Variants in ACBD6 observed in about 807,000 individuals in gnomAD.
ACBD6 encodes acyl-CoA-binding domain-containing protein 6.
ACBD6 carries 28 observed loss-of-function variants against 37.2 expected under a neutral mutation model. The observed-to-expected ratio is 0.75, with a 90% CI of 0.56 to 1.03. The LOEUF is 1.03. ACBD6 is among the 50% of genes least tolerant of loss of function. The pLI, the probability that ACBD6 is intolerant of heterozygous loss-of-function variation, is 0.00. For synonymous variants in ACBD6, 113 were observed against 126.8 expected (o/e 0.89, Z 0.73); for missense variants, 340 against 337.4 (o/e 1.01, Z -0.06).
chr1:180,415,921 ATTTG>A (rs1648073184), intron 4 of ACBD6, among the ~76,000 whole-genome samples: 2 of 152,216 alleles, frequency 1.3e-5, no homozygotes, highest in African/African-American at 2.4e-5. Context: ...GGCAGGTAGC[ATTTG>A]TTTAAGTATT....
chr1:180,434,659 T>C, intron 3 of ACBD6: 1 of 355,548 alleles, frequency 2.8e-6, no homozygotes, highest in Non-Finnish European at 5.4e-6. Flanking sequence ...AATCTTTGAA[T>C]CTACCTATGA....
chr1:180,450,981 A>G (rs1649681287), intron 3 of ACBD6, among the ~76,000 whole-genome samples: 1 of 152,216 alleles, frequency 6.6e-6, no homozygotes, highest in South Asian at 2.1e-4. Context: ...TCCCTTCATT[A>G]AGAGTCTTCC....
intron 2 of ACBD6, among the ~76,000 whole-genome samples, chr1:180,494,330 TA>T: frequency 6.6e-6 from 1 of 152,248 alleles, no homozygotes; most frequent in Admixed American, 6.5e-5. Flanking sequence ...AATAAAGGTA[TA>T]AAATTTCATA....
At chr1:180,338,383 A>G (rs1651831638) in intron 6 of ACBD6, among the ~76,000 whole-genome samples, 1 of 152,204 alleles carries the variant, frequency 6.6e-6, no homozygotes, top group Non-Finnish European at 1.5e-5. Context: ...ACACATCTAC[A>G]ACTATCTGAT....
At chr1:180,473,446 C>CAAA (rs5779059) in intron 3 of ACBD6, among the ~76,000 whole-genome samples, 5 of 81,546 alleles carry the variant, frequency 6.1e-5, no homozygotes, top group East Asian at 5.3e-4. Context: ...GACTCCGTCT[C>CAAA]AAAAAAAAAA....
At chr1:180,288,097 C>T (rs1649562435), downstream of ACBD6, 1 of 404,446 alleles carries the variant, frequency 2.5e-6, no homozygotes, top group Non-Finnish European at 4.5e-6. Flanking sequence ...TTCTGCCCAC[C>T]CTCTAAAGCA....
chr1:180,433,615 T>C (rs1438692750), intron 3 of ACBD6, among the ~76,000 whole-genome samples: 1 of 101,340 alleles, frequency 9.9e-6, no homozygotes, highest in East Asian at 3.1e-4. Flanking sequence ...TGTGTGTGTG[T>C]GTGTACAGAG....
In ACBD6 at chr1:180,488,317, C is replaced by G. The variant is rs188150618; in HGVS notation, c.384+3952G>C. 1.8e-3 allele frequency among the ~76,000 whole-genome samples: 271 copies of G among 152,218 alleles called. 1 individual carries two copies. The highest frequency in any genetic ancestry group is 5.8e-3 in the African/African-American group (242 of 41,544). ...TATAGTAGACATTGAACAACATATT[C>G]TTGAGATAAGATGAAACACATAACA... On this transcript the variant is annotated intron_variant, in intron 3 of 7. Coordinates refer to ENST00000367595, the MANE Select transcript of ACBD6 (RefSeq NM_032360.4).
chr1:180,489,997 T>G (rs923032702), intron 3 of ACBD6, among the ~76,000 whole-genome samples: 3 of 152,192 alleles, frequency 2.0e-5, no homozygotes, highest in Non-Finnish European at 2.9e-5. Flanking sequence ...AAAATTTTAC[T>G]AAAGTACTGA....
intron 6 of ACBD6, among the ~76,000 whole-genome samples, chr1:180,329,981 T>A (rs1324479830): frequency 6.7e-6 from 1 of 150,234 alleles, no homozygotes; most frequent in East Asian, 1.9e-4. Context: ...TCCTCAGTTT[T>A]CTTAAGTTTT....
chr1:180,438,268 G>A (rs1649133957), intron 3 of ACBD6: 1 of 152,816 alleles, frequency 6.5e-6, no homozygotes, highest in African/African-American at 2.4e-5. Context: ...CACTAAACCA[G>A]TCCCTGGTGC....
chr1:180,452,300 T>C (rs1421697314), intron 3 of ACBD6, among the ~76,000 whole-genome samples: 1 of 151,944 alleles, frequency 6.6e-6, no homozygotes, highest in African/African-American at 2.4e-5. Flanking sequence ...TGAAACCTCA[T>C]CTCTACTAAA....
At chr1:180,445,468 T>C (rs1649438795) in intron 3 of ACBD6, among the ~76,000 whole-genome samples, 1 of 152,222 alleles carries the variant, frequency 6.6e-6, no homozygotes, top group Non-Finnish European at 1.5e-5. Flanking sequence ...AAAACGAGTC[T>C]ATAAAGCTGG....
At chr1:180,479,255 T>G (rs1650927839) in intron 3 of ACBD6, among the ~76,000 whole-genome samples, 1 of 152,142 alleles carries the variant, frequency 6.6e-6, no homozygotes, top group Non-Finnish European at 1.5e-5. Context: ...TAAATGTCTA[T>G]CACGGATGAA....
At position 180,371,130 on chromosome 1, in the gene ACBD6, G is replaced by A. The variant is rs530024379; in HGVS notation, c.663+26386C>T. Among the ~76,000 whole-genome samples the A allele has an allele frequency of 8.6e-5, 13 of 151,906 alleles. No homozygotes were observed. The East Asian group carries it at 2.5e-3, about 29-fold the overall frequency. Reference sequence around the variant, plus strand: ...GGATTTGAATCTTGACTGTATAGTAGCTCTGTGACTTTGGGTTATTTTATA... The same window carrying A: ...GGATTTGAATCTTGACTGTATAGTAACTCTGTGACTTTGGGTTATTTTATA... On this transcript the variant is annotated intron_variant, in intron 6 of 7. Coordinates refer to ENST00000367595, the MANE Select transcript of ACBD6 (RefSeq NM_032360.4).
At chr1:180,353,768 A>G (rs560842810) in intron 6 of ACBD6, among the ~76,000 whole-genome samples, 2 of 145,380 alleles carry the variant, frequency 1.4e-5, no homozygotes, top group East Asian at 4.0e-4. Context: ...TCAATGACAT[A>G]AAACAGTTAA....
At chr1:180,376,331 T>C (rs1303493859) in intron 6 of ACBD6, among the ~76,000 whole-genome samples, 1 of 152,204 alleles carries the variant, frequency 6.6e-6, no homozygotes, top group Non-Finnish European at 1.5e-5. Flanking sequence ...CTTACAGGAA[T>C]CTATCCTGAA....
At chr1:180,429,202 T>C (rs890104102) in intron 4 of ACBD6, among the ~76,000 whole-genome samples, 5 of 152,174 alleles carry the variant, frequency 3.3e-5, no homozygotes, top group African/African-American at 7.2e-5. Context: ...TTTTTCATCT[T>C]GTAAAACTGA....
chr1:180,354,062 T>C lies in ACBD6; in HGVS notation c.664-39340A>G, dbSNP rs534190453. Among the ~76,000 whole-genome samples the C allele has an allele frequency of 4.6e-5, 7 of 152,322 alleles. No individual in the cohort carries two copies. In the South Asian group the frequency reaches 1.4e-3, roughly 32 times the overall value. Reference sequence around the variant, plus strand: ...CCAAGACAGCTTTCCCTATCCCCAATTCACCAGGGAACATTTGAAAATTCC... The same window carrying C: ...CCAAGACAGCTTTCCCTATCCCCAACTCACCAGGGAACATTTGAAAATTCC... On this transcript the variant is annotated intron_variant, in intron 6 of 7. Transcript: ENST00000367595.
Sources: allele counts gnomAD v4.1 joint callset (sites outside exome capture counted in the v4.1 genomes callset), GRCh38; gene constraint gnomAD v4.1.1; transcripts MANE v1.5; gene names NCBI Gene and HGNC (gene_info 2026-07-23, HGNC 2026-07-21).